The following CDC14A variants were observed in gnomAD, a reference collection of about 807,000 sequenced individuals.
CDC14A encodes the protein dual specificity protein phosphatase CDC14A.
CDC14A carries 53 observed loss-of-function variants against 74.4 expected under a neutral mutation model. The ratio of observed to expected loss-of-function variants is 0.71; its 90% CI spans 0.57 to 0.89. The LOEUF is 0.89. Ranked by LOEUF, CDC14A falls within the 40% of genes least tolerant of loss-of-function variation. The pLI, the probability that CDC14A is intolerant of heterozygous loss-of-function variation, is 0.00. For missense variants in CDC14A, 646 were observed against 713.7 expected, an observed-to-expected ratio of 0.91 and a Z score of 1.08; for synonymous variants, 247 against 258.4, an observed-to-expected ratio of 0.96 and a Z score of 0.43.
chr1:100,353,357 C>T (rs1158859656), intron 1 of CDC14A, among the ~76,000 whole-genome samples: 1 of 152,212 alleles, frequency 6.6e-6, no homozygotes, highest in East Asian at 1.9e-4. Context: ...CACCCCCAAC[C>T]ACACCCCCCA....
intron 15 of CDC14A, 97 bp from the exon 16 acceptor site, chr1:100,518,154 T>C: frequency 1.1e-6 from 1 of 874,228 alleles, no homozygotes; most frequent in South Asian, 1.5e-5. Context: ...TTCATTGATC[T>C]CTAAGCTGTC....
chr1:100,370,383 A>G (rs1364139046), intron 2 of CDC14A, among the ~76,000 whole-genome samples: 1 of 151,954 alleles, frequency 6.6e-6, no homozygotes, highest in Non-Finnish European at 1.5e-5. Flanking sequence ...TGGCCTCCCA[A>G]AGTGCTATTT....
At chr1:100,443,201 C>T in intron 7 of CDC14A, 2 of 489,334 alleles carry the variant, frequency 4.1e-6, no homozygotes, top group Non-Finnish European at 7.2e-6. Context: ...AACAACATAT[C>T]TATATATATT....
intron 8 of CDC14A, chr1:100,462,353 G>T (rs989800030): frequency 3.5e-5 from 13 of 372,476 alleles, no homozygotes; most frequent in Non-Finnish European, 5.6e-5. Flanking sequence ...CTTCAAGAAT[G>T]CTTTTGTCTT....
chr1:100,443,733 A>G (rs1056631848), intron 7 of CDC14A, among the ~76,000 whole-genome samples: 2 of 152,162 alleles, frequency 1.3e-5, no homozygotes, highest in South Asian at 4.1e-4. Flanking sequence ...CCATGGCATC[A>G]TTACAAGACT....
At chr1:100,422,989 G>A (rs905628908) in intron 4 of CDC14A, among the ~76,000 whole-genome samples, 3 of 152,250 alleles carry the variant, frequency 2.0e-5, no homozygotes, top group African/African-American at 7.2e-5. Context: ...TTGATGTTGG[G>A]ACATACTAAG....
At chr1:100,480,846 T>C (rs1669386465) in intron 10 of CDC14A, 1 of 152,232 alleles carries the variant, frequency 6.6e-6, no homozygotes. Context: ...CTAAACTAGA[T>C]TTAGTTAGTT....
chr1:100,491,878 C>CTTTTTT (rs1553196630), intron 11 of CDC14A, among the ~76,000 whole-genome samples: 5 of 142,066 alleles, frequency 3.5e-5, no homozygotes, highest in Admixed American at 7.0e-5. Context: ...AGCCAGATAC[C>CTTTTTT]TTTTTTTGAG....
intron 4 of CDC14A, among the ~76,000 whole-genome samples, chr1:100,410,148 G>T (rs1427977167): frequency 1.3e-5 from 2 of 151,760 alleles, no homozygotes; most frequent in African/African-American, 4.8e-5. Context: ...AAACTTTGAG[G>T]CTGCAATGAG....
In CDC14A at chr1:100,400,221, G is replaced by C. The variant is rs138901513; in HGVS notation, c.309+9397G>C. Among the ~76,000 whole-genome samples, 399 of 152,094 alleles carry C rather than the reference G, an allele frequency of 2.6e-3. 3 individuals carry two copies. The South Asian group carries it at 0.028, about 11-fold the overall frequency. On this transcript the variant is annotated intron_variant, in intron 4 of 15. Coordinates refer to ENST00000336454, the MANE Select transcript of CDC14A (RefSeq NM_003672.4). ...CTGTGATTTTGTTTTTGTTTTTATT[G>C]TTTGGACCAAGTATATTATTTTGCT...
At chr1:100,511,174 G>T (rs1649745653) in intron 15 of CDC14A, among the ~76,000 whole-genome samples, 2 of 152,216 alleles carry the variant, frequency 1.3e-5, no homozygotes, top group South Asian at 4.1e-4. Flanking sequence ...CCGTTTGCAG[G>T]TCTCCTCAAC....
intron 4 of CDC14A, among the ~76,000 whole-genome samples, chr1:100,423,105 A>T (rs912386994): frequency 6.6e-6 from 1 of 152,184 alleles, no homozygotes. Context: ...AAAAAATTAA[A>T]TTGCTCTTGG....
chr1:100,392,851 G>A (rs1657906040), intron 4 of CDC14A, among the ~76,000 whole-genome samples: 1 of 152,040 alleles, frequency 6.6e-6, no homozygotes, highest in South Asian at 2.1e-4. Context: ...ATATCACCAA[G>A]CTAGACATTT....
intron 4 of CDC14A, 167 bp from the exon 5 acceptor site, chr1:100,424,055 A>G (rs960053642): frequency 1.7e-6 from 1 of 583,820 alleles, no homozygotes; most frequent in Non-Finnish European, 3.1e-6. Flanking sequence ...GCTGCTGCGC[A>G]GCTTCATGCT....
intron 13 of CDC14A, 73 bp downstream of exon 13, chr1:100,496,122 C>T (rs1016728373): frequency 7.6e-7 from 1 of 1,311,830 alleles, no homozygotes; most frequent in Non-Finnish European, 1.1e-6. Flanking sequence ...TCCCAAGCCT[C>T]AAACACGAAA....
chr1:100,351,868 A>T, upstream of CDC14A: 11 of 1,435,484 alleles, frequency 7.7e-6, no homozygotes, highest in South Asian at 1.4e-4. Context: ...TTCTTTTTCA[A>T]TTGTATTTTT....
At chr1:100,451,446 T>G (rs1035030937) in intron 7 of CDC14A, among the ~76,000 whole-genome samples, 2 of 152,238 alleles carry the variant, frequency 1.3e-5, no homozygotes, top group Admixed American at 6.5e-5. Context: ...AGTTTGATTA[T>G]TATTTAAAGC....
chr1:100,419,170 A>G (rs949997765), intron 4 of CDC14A, among the ~76,000 whole-genome samples: 2 of 152,230 alleles, frequency 1.3e-5, no homozygotes, highest in Non-Finnish European at 1.5e-5. Flanking sequence ...TGTGTGACAG[A>G]GCCAGAACCT....
intron 2 of CDC14A, among the ~76,000 whole-genome samples, chr1:100,356,494 T>G (rs886318420): frequency 6.6e-6 from 1 of 151,944 alleles, no homozygotes; most frequent in Admixed American, 6.6e-5. Context: ...ACATATATCC[T>G]TCTCAAAAAA....
Sources: gnomAD v4.1 joint callset for allele counts (sites outside exome capture counted in the v4.1 genomes callset) on GRCh38, gnomAD v4.1.1 for gene constraint, MANE v1.5 for transcripts, NCBI Gene and HGNC (gene_info 2026-07-23, HGNC 2026-07-21) for gene names.